The following EPHA3 variants were observed in gnomAD, a reference collection of about 807,000 sequenced individuals.
EPHA3 encodes EPH receptor A3.
Under a neutral mutation model 107.1 loss-of-function variants are expected in EPHA3, and 42 were observed. That is an observed-to-expected ratio of 0.39 (90% CI 0.31 to 0.51). The LOEUF is 0.51. Among genes scored for constraint, EPHA3 ranks in the 20% least tolerant of loss-of-function variants. The pLI is 0.78. For synonymous variants in EPHA3, 461 were observed against 424.8 expected (o/e 1.09, Z -1.05); for missense variants, 1,183 against 1,211.2 (o/e 0.98, Z 0.35).
At chr3:89,356,645 C>T (rs1198244938) in intron 5 of EPHA3, among the ~76,000 whole-genome samples, 2 of 150,992 alleles carry the variant, frequency 1.3e-5, no homozygotes, top group South Asian at 2.1e-4. Flanking sequence ...AGGTCATTCT[C>T]GTGTTGTTCG....
chr3:89,167,873 G>A (rs988941796), intron 2 of EPHA3, among the ~76,000 whole-genome samples: 1 of 151,980 alleles, frequency 6.6e-6, no homozygotes, highest in African/African-American at 2.4e-5. Context: ...AATTGCAAAA[G>A]GTGGGAACAA....
intron 3 of EPHA3, among the ~76,000 whole-genome samples, chr3:89,286,308 A>C (rs1706081989): frequency 6.6e-6 from 1 of 151,706 alleles, no homozygotes; most frequent in Non-Finnish European, 1.5e-5. Context: ...GGCCAAGCAG[A>C]AGTACATGGT....
At position 89,407,328 on chromosome 3, in the gene EPHA3, G is replaced by A. The variant is rs142865154; in HGVS notation, c.1654G>A (p.Ala552Thr). 6 of 1,613,586 alleles carry A rather than the reference G, an allele frequency of 3.7e-6. No individual in the cohort carries two copies. The highest frequency in any genetic ancestry group is 1.3e-5 in the African/African-American group (1 of 75,022). Reference protein sequence around the residue: ...VVMIAISAAVAIILLTVVIYV... With the variant: ...VVMIAISAAVTIILLTVVIYV... ...CATGATCGCCATTTCAGCGGCAGTA[G>A]CAATTATTCTCCTCACTGTTGTCAT... Residue 552 changes from alanine to threonine, a missense_variant, in exon 8 of 17, where the codon GCA becomes ACA. By Grantham distance (58) the Ala-to-Thr change is moderately conservative. Coordinates refer to ENST00000336596, the MANE Select transcript of EPHA3 (RefSeq NM_005233.6).
chr3:89,369,025 G>T (rs77780496), intron 5 of EPHA3, among the ~76,000 whole-genome samples: 2,326 of 150,684 alleles, frequency 0.015, 60 homozygotes, highest in African/African-American at 0.053. Context: ...TAATCTGACA[G>T]CTGTGCCCAC....
intron 1 of EPHA3, among the ~76,000 whole-genome samples, chr3:89,126,411 G>T (rs1486142426): frequency 6.6e-6 from 1 of 151,594 alleles, no homozygotes; most frequent in Non-Finnish European, 1.5e-5. Context: ...TGAATATTCA[G>T]TATGGAAAAT....
In EPHA3 at chr3:89,479,885, T is replaced by C; in HGVS notation, c.*383T>C. On this transcript the variant is annotated 3_prime_UTR_variant, in exon 17 of 17. Transcript: ENST00000336596. ...AGGTAGAGCCACAAAAGAAAAGACT[T>C]GTAATATTTTTATATACAGAGGAAA... is the stretch of plus-strand genomic sequence containing the variant. 4.1e-6 allele frequency: 1 copy of C among 246,634 alleles called. No individual in the cohort carries two copies. The highest frequency in any genetic ancestry group is 7.9e-6 in the Non-Finnish European group (1 of 126,256). 15.3% of individuals were successfully genotyped at this position (246,634 alleles called of 1,614,324 possible).
intron 5 of EPHA3, among the ~76,000 whole-genome samples, chr3:89,391,421 C>CTTTTTTTTTTTTTTT (rs758307339): frequency 8.6e-6 from 1 of 116,000 alleles, no homozygotes; most frequent in Non-Finnish European, 1.8e-5. Flanking sequence ...TCTTTCTTTT[C>CTTTTTTTTTTTTTTT]TTTTTTTTTT....
intron 3 of EPHA3, among the ~76,000 whole-genome samples, chr3:89,337,073 A>C (rs540137922): frequency 6.6e-6 from 1 of 151,992 alleles, no homozygotes; most frequent in South Asian, 2.1e-4. Context: ...AAAGAAAAAA[A>C]AAAAAAGAAA....
At chr3:89,172,601 A>T (rs548438576) in intron 2 of EPHA3, among the ~76,000 whole-genome samples, 1 of 152,224 alleles carries the variant, frequency 6.6e-6, no homozygotes, top group Non-Finnish European at 1.5e-5. Context: ...AAGTGGATCC[A>T]TTGGAAGCTA....
chr3:89,352,048 A>T (rs1254957327), intron 5 of EPHA3, among the ~76,000 whole-genome samples: 2 of 151,156 alleles, frequency 1.3e-5, no homozygotes, highest in African/African-American at 2.4e-5. Context: ...TCAGCAAATT[A>T]TGATATTTAA....
chr3:89,286,840 G>T (rs1007194508), intron 3 of EPHA3, among the ~76,000 whole-genome samples: 2 of 151,952 alleles, frequency 1.3e-5, no homozygotes, highest in Non-Finnish European at 2.9e-5. Context: ...ATGCATATCA[G>T]CAAGTAAAAG....
chr3:89,238,168 T>A (rs1194130685), intron 3 of EPHA3, among the ~76,000 whole-genome samples: 1 of 152,162 alleles, frequency 6.6e-6, no homozygotes, highest in Non-Finnish European at 1.5e-5. Context: ...TATTCACCAG[T>A]ATGTTGATTA....
chr3:89,440,201 A>G (rs971898555), intron 13 of EPHA3, among the ~76,000 whole-genome samples: 3 of 152,176 alleles, frequency 2.0e-5, no homozygotes, highest in African/African-American at 7.2e-5. Context: ...TTGACAATAC[A>G]TAGATGCTAA....
chr3:89,356,324 T>C (rs1437097627), intron 5 of EPHA3, among the ~76,000 whole-genome samples: 6 of 150,920 alleles, frequency 4.0e-5, no homozygotes, highest in Non-Finnish European at 7.4e-5. Flanking sequence ...AGCAGCATGA[T>C]TTATAGTCCT....
At chr3:89,150,679 A>T (rs1034371399) in intron 2 of EPHA3, among the ~76,000 whole-genome samples, 1 of 152,118 alleles carries the variant, frequency 6.6e-6, no homozygotes, top group African/African-American at 2.4e-5. Context: ...TTTGAATCTT[A>T]TGTGTATTCA....
intron 2 of EPHA3, among the ~76,000 whole-genome samples, chr3:89,208,242 G>A (rs1189999460): frequency 6.6e-6 from 1 of 151,118 alleles, no homozygotes; most frequent in Non-Finnish European, 1.5e-5. Context: ...TGGTGTTGGG[G>A]GCCTATAATC....
At chr3:89,339,400 A>G (rs1707466387) in intron 3 of EPHA3, among the ~76,000 whole-genome samples, 1 of 151,700 alleles carries the variant, frequency 6.6e-6, no homozygotes, top group Non-Finnish European at 1.5e-5. Flanking sequence ...AGAAAGAAAG[A>G]AAAATTATAA....
At chr3:89,276,297 T>C (rs1369329875) in intron 3 of EPHA3, among the ~76,000 whole-genome samples, 1 of 152,054 alleles carries the variant, frequency 6.6e-6, no homozygotes, top group Admixed American at 6.6e-5. Flanking sequence ...CCCTCTCAGA[T>C]AGGATGTCTA....
chr3:89,189,583 C>A (rs1389391191), intron 2 of EPHA3, among the ~76,000 whole-genome samples: 1 of 152,168 alleles, frequency 6.6e-6, no homozygotes, highest in Non-Finnish European at 1.5e-5. Flanking sequence ...CAGAGCAAGA[C>A]TTCGTCTCAA....
Sources: gnomAD v4.1 joint callset for allele counts (sites outside exome capture counted in the v4.1 genomes callset) on GRCh38, gnomAD v4.1.1 for gene constraint, MANE v1.5 for transcripts, NCBI Gene and HGNC (gene_info 2026-07-23, HGNC 2026-07-21) for gene names.